Variants in NRG3 observed in about 807,000 individuals in gnomAD.
The protein encoded by NRG3 is pro-neuregulin-3, membrane-bound isoform.
In NRG3, 31 loss-of-function variants were observed where a neutral mutation model predicts 66.9. The ratio of observed to expected loss-of-function variants is 0.46; its 90% CI spans 0.35 to 0.63. NRG3 has a LOEUF of 0.63. NRG3 is among the 20% of genes least tolerant of loss of function. The pLI is 0.00. For missense variants in NRG3, 910 were observed against 878.9 expected (o/e 1.04, Z -0.45); for synonymous variants, 393 against 359.4 (o/e 1.09, Z -1.06).
chr10:82,955,450 T>A (rs1849952990), intron 5 of NRG3, among the ~76,000 whole-genome samples: 1 of 151,864 alleles, frequency 6.6e-6, no homozygotes. Flanking sequence ...ATTATTCAAG[T>A]TTTTCTCTTT....
intron 3 of NRG3, among the ~76,000 whole-genome samples, chr10:82,806,808 T>C (rs1208085900): frequency 6.6e-6 from 1 of 152,220 alleles, no homozygotes; most frequent in East Asian, 1.9e-4. Context: ...TGTGTTCCTC[T>C]GCAGTTTGGA....
intron 2 of NRG3, among the ~76,000 whole-genome samples, chr10:82,705,229 C>T (rs1160158029): frequency 6.6e-6 from 1 of 152,160 alleles, no homozygotes; most frequent in Non-Finnish European, 1.5e-5. Context: ...TCTCAAATGT[C>T]AGCGACACAC....
chr10:81,979,959 G>A (rs761734777), intron 1 of NRG3, among the ~76,000 whole-genome samples: 5 of 152,144 alleles, frequency 3.3e-5, no homozygotes, highest in Non-Finnish European at 7.3e-5. Flanking sequence ...AAGACCACAG[G>A]TAAACATAGG....
intron 1 of NRG3, among the ~76,000 whole-genome samples, chr10:82,130,145 T>G (rs886232929): frequency 3.3e-5 from 5 of 150,224 alleles, no homozygotes; most frequent in African/African-American, 1.2e-4. Context: ...TCATATTTTC[T>G]TTTTTTTTGC....
At chr10:82,755,172 A>G (rs138152877) in intron 3 of NRG3, among the ~76,000 whole-genome samples, 24 of 152,208 alleles carry the variant, frequency 1.6e-4, no homozygotes, top group African/African-American at 5.8e-4. Flanking sequence ...CCATTGTAGT[A>G]TTATCAGTAA....
intron 1 of NRG3, among the ~76,000 whole-genome samples, chr10:82,079,072 TA>T (rs1294640788): frequency 1.3e-5 from 2 of 152,118 alleles, no homozygotes; most frequent in African/African-American, 2.4e-5. Flanking sequence ...TTTTATTTTT[TA>T]TTTTTTTTTT....
At chr10:82,915,122 T>G (rs1845705707) in intron 4 of NRG3, among the ~76,000 whole-genome samples, 1 of 152,202 alleles carries the variant, frequency 6.6e-6, no homozygotes, top group African/African-American at 2.4e-5. Context: ...TGTCCAACTG[T>G]TAGTCAAGTG....
chr10:82,683,050 C>T (rs953128389), intron 2 of NRG3, among the ~76,000 whole-genome samples: 2 of 146,504 alleles, frequency 1.4e-5, no homozygotes, highest in African/African-American at 2.5e-5. Context: ...TCTCTGCCTT[C>T]CGGGTTCACG....
chr10:82,899,710 A>G (rs749028203), intron 4 of NRG3, among the ~76,000 whole-genome samples: 28 of 152,176 alleles, frequency 1.8e-4, no homozygotes, highest in Non-Finnish European at 3.1e-4. Flanking sequence ...TGCTATTTAA[A>G]GGTGTAGAGG....
intron 2 of NRG3, among the ~76,000 whole-genome samples, chr10:82,551,021 A>G (rs1024164402): frequency 2.0e-5 from 3 of 152,136 alleles, no homozygotes; most frequent in African/African-American, 4.8e-5. Flanking sequence ...ACTATTGACA[A>G]TACCAAAGTC....
chr10:81,973,196 T>C (rs771970834), intron 1 of NRG3, among the ~76,000 whole-genome samples: 1 of 152,170 alleles, frequency 6.6e-6, no homozygotes, highest in African/African-American at 2.4e-5. Context: ...TTGCTAAAGA[T>C]AGTGGCCTCC....
intron 2 of NRG3, among the ~76,000 whole-genome samples, chr10:82,613,525 A>G (rs2048439951): frequency 1.3e-5 from 2 of 151,752 alleles, no homozygotes; most frequent in Admixed American, 6.6e-5. Context: ...TAAAATTAAT[A>G]TTTTTAAGCA....
At chr10:82,677,743 TA>T (rs1437344905) in intron 2 of NRG3, among the ~76,000 whole-genome samples, 3 of 152,024 alleles carry the variant, frequency 2.0e-5, no homozygotes, top group Admixed American at 6.6e-5. Context: ...AGAGCAGGAA[TA>T]AAAGTTTATT....
At chr10:82,510,198 C>T (rs1845046576) in intron 2 of NRG3, among the ~76,000 whole-genome samples, 1 of 152,176 alleles carries the variant, frequency 6.6e-6, no homozygotes, top group Admixed American at 6.5e-5. Context: ...CTCAACATAC[C>T]ACATTCCAAT....
chr10:82,805,214 C>T (rs1386606616), intron 3 of NRG3, among the ~76,000 whole-genome samples: 1 of 152,116 alleles, frequency 6.6e-6, no homozygotes, highest in African/African-American at 2.4e-5. Context: ...GTCTTGGGTC[C>T]TTGCTAATAT....
intron 1 of NRG3, among the ~76,000 whole-genome samples, chr10:81,961,601 A>G (rs903117700): frequency 1.3e-5 from 2 of 152,254 alleles, no homozygotes; most frequent in African/African-American, 2.4e-5. Flanking sequence ...CAATATAGAG[A>G]TAACACTTTT....
chr10:82,191,188 T>C (rs2074122732), intron 1 of NRG3, among the ~76,000 whole-genome samples: 1 of 152,140 alleles, frequency 6.6e-6, no homozygotes, highest in African/African-American at 2.4e-5. Flanking sequence ...ACATTTACTT[T>C]AGGATTGAAT....
At chr10:82,731,762 T>C (rs780462332) in intron 2 of NRG3, among the ~76,000 whole-genome samples, 2 of 152,222 alleles carry the variant, frequency 1.3e-5, no homozygotes, top group Non-Finnish European at 2.9e-5. Context: ...TTCCACATAC[T>C]AATTTTATTT....
At chr10:82,751,871 A>T (rs2058878996) in intron 3 of NRG3, among the ~76,000 whole-genome samples, 1 of 152,066 alleles carries the variant, frequency 6.6e-6, no homozygotes, top group South Asian at 2.1e-4. Context: ...CTATGTCTTA[A>T]ATGTTTTTCT....
Sources: gnomAD v4.1 joint callset for allele counts (sites outside exome capture counted in the v4.1 genomes callset) on GRCh38, gnomAD v4.1.1 for gene constraint, MANE v1.5 for transcripts, NCBI Gene and HGNC (gene_info 2026-07-23, HGNC 2026-07-21) for gene names.